The following CPNE8 variants were observed in gnomAD, a reference collection of about 807,000 sequenced individuals.
CPNE8 encodes the protein copine 8, also known as copine-8.
CPNE8 carries 45 observed loss-of-function variants against 81.5 expected under a neutral mutation model. That is an observed-to-expected ratio of 0.55 (90% CI 0.44 to 0.71). The LOEUF (loss-of-function observed/expected upper bound fraction) is 0.71, where lower values mean the gene tolerates loss of function less well. CPNE8 is among the 30% of genes least tolerant of loss of function. The pLI, the probability that CPNE8 is intolerant of heterozygous loss-of-function variation, is 0.00. For synonymous variants in CPNE8, 252 were observed against 226.3 expected, an observed-to-expected ratio of 1.11 and a Z score of -1.02; for missense variants, 594 against 672.1, an observed-to-expected ratio of 0.88 and a Z score of 1.28.
chr12:38,891,287 C>A (rs180959787), intron 1 of CPNE8, among the ~76,000 whole-genome samples: 1 of 152,112 alleles, frequency 6.6e-6, no homozygotes, highest in African/African-American at 2.4e-5. Flanking sequence ...TAGCTTTGCT[C>A]TGCTTGAGGA....
intron 19 of CPNE8, among the ~76,000 whole-genome samples, chr12:38,665,716 C>CT (rs2136639039): frequency 6.6e-6 from 1 of 152,276 alleles, no homozygotes; most frequent in South Asian, 2.1e-4. Flanking sequence ...CGGAATGGCA[C>CT]TGCCTTATAC....
chr12:38,799,572 T>G (rs937612245), intron 6 of CPNE8, among the ~76,000 whole-genome samples: 2 of 152,020 alleles, frequency 1.3e-5, no homozygotes, highest in Admixed American at 1.3e-4. Flanking sequence ...TTTATAGCAC[T>G]AAATGCCCAC....
chr12:38,796,477 A>C (rs925409120), intron 6 of CPNE8, among the ~76,000 whole-genome samples: 1 of 152,220 alleles, frequency 6.6e-6, no homozygotes, highest in Non-Finnish European at 1.5e-5. Flanking sequence ...GTATATAAAA[A>C]ATAGAAGAAA....
intron 3 of CPNE8, among the ~76,000 whole-genome samples, chr12:38,851,152 G>A (rs552638239): frequency 1.2e-4 from 18 of 152,194 alleles, no homozygotes; most frequent in Middle Eastern, 3.4e-3. Flanking sequence ...TTTAAATTAC[G>A]TGGTCTCAGG....
At chr12:38,662,750 C>A (rs1013767344) in intron 19 of CPNE8, among the ~76,000 whole-genome samples, 1 of 152,002 alleles carries the variant, frequency 6.6e-6, no homozygotes, top group Non-Finnish European at 1.5e-5. Context: ...TATTACATAG[C>A]CATAGAAACC....
chr12:38,794,367 G>A (rs1375699527), intron 6 of CPNE8, among the ~76,000 whole-genome samples: 1 of 151,850 alleles, frequency 6.6e-6, no homozygotes, highest in African/African-American at 2.4e-5. Flanking sequence ...GTGAACATAG[G>A]GCTGGAATAG....
chr12:38,706,621 CTT>C (rs1940113684), intron 13 of CPNE8, among the ~76,000 whole-genome samples: 1 of 152,058 alleles, frequency 6.6e-6, no homozygotes, highest in Non-Finnish European at 1.5e-5. Flanking sequence ...TAAAAAATAA[CTT>C]TGAGCTTTAA....
chr12:38,904,983 C>G (rs1030522564), intron 1 of CPNE8, among the ~76,000 whole-genome samples: 3 of 152,112 alleles, frequency 2.0e-5, no homozygotes, highest in African/African-American at 7.2e-5. Context: ...AGGAAGCTGC[C>G]GGGGTTGGAG....
intron 6 of CPNE8, among the ~76,000 whole-genome samples, chr12:38,778,700 T>C (rs1342185709): frequency 6.6e-6 from 1 of 152,248 alleles, no homozygotes; most frequent in Non-Finnish European, 1.5e-5. Flanking sequence ...TAATTATTCC[T>C]TAACTGTTAA....
chr12:38,781,428 CAAAAG>C (rs1204157615), intron 6 of CPNE8, among the ~76,000 whole-genome samples: 3 of 151,826 alleles, frequency 2.0e-5, no homozygotes, highest in Admixed American at 6.6e-5. Flanking sequence ...TCAAAAAATT[CAAAAG>C]AAAAGAATGG....
chr12:38,831,535 C>A (rs992277441), intron 5 of CPNE8, among the ~76,000 whole-genome samples: 3 of 152,298 alleles, frequency 2.0e-5, no homozygotes, highest in Admixed American at 6.5e-5. Flanking sequence ...CAAAAAATAA[C>A]CCCACATCTG....
At chr12:38,793,471 A>G (rs1483242647) in intron 6 of CPNE8, among the ~76,000 whole-genome samples, 1 of 151,938 alleles carries the variant, frequency 6.6e-6, no homozygotes, top group African/African-American at 2.4e-5. Context: ...TTCATTTACA[A>G]TAGCATTAAA....
chr12:38,687,399 T>C (rs35513990), intron 15 of CPNE8, among the ~76,000 whole-genome samples: 2 of 128,298 alleles, frequency 1.6e-5, no homozygotes, highest in African/African-American at 6.0e-5. Flanking sequence ...TTTTTTTTTG[T>C]GAGACGGACT....
intron 1 of CPNE8, among the ~76,000 whole-genome samples, chr12:38,878,493 G>A (rs2137116542): frequency 6.6e-6 from 1 of 152,278 alleles, no homozygotes; most frequent in South Asian, 2.1e-4. Context: ...AGAACAGCCT[G>A]CCTTCTCCTA....
At chr12:38,859,316 A>T (rs1943794054) in intron 3 of CPNE8, among the ~76,000 whole-genome samples, 1 of 152,176 alleles carries the variant, frequency 6.6e-6, no homozygotes. Context: ...CCATCAAAAA[A>T]GAAACTTAAG....
intron 11 of CPNE8, among the ~76,000 whole-genome samples, chr12:38,727,929 G>T (rs921764075): frequency 1.3e-5 from 2 of 152,140 alleles, no homozygotes; most frequent in Non-Finnish European, 2.9e-5. Context: ...TACGTTGTTG[G>T]AGCATATAAG....
intron 19 of CPNE8, among the ~76,000 whole-genome samples, chr12:38,658,213 A>G (rs1417519385): frequency 2.0e-5 from 3 of 152,334 alleles, no homozygotes; most frequent in Non-Finnish European, 4.4e-5. Context: ...AAATGACCTG[A>G]TGGAGCTGAA....
intron 7 of CPNE8, among the ~76,000 whole-genome samples, chr12:38,773,574 G>A (rs1941856359): frequency 6.6e-6 from 1 of 152,056 alleles, no homozygotes; most frequent in South Asian, 2.1e-4. Context: ...AGTGAAAAAG[G>A]TAAGACTAAA....
chr12:38,767,089 A>G (rs908203361), intron 8 of CPNE8, among the ~76,000 whole-genome samples: 4 of 152,114 alleles, frequency 2.6e-5, no homozygotes, highest in Non-Finnish European at 4.4e-5. Flanking sequence ...ACAAAAAACA[A>G]GTCAGATATA....
Sources: gnomAD v4.1 joint callset for allele counts (sites outside exome capture counted in the v4.1 genomes callset) on GRCh38, gnomAD v4.1.1 for gene constraint, MANE v1.5 for transcripts, NCBI Gene and HGNC (gene_info 2026-07-23, HGNC 2026-07-21) for gene names.